KAZN: variants seen among roughly 807,000 people sequenced by gnomAD.
KAZN encodes the protein kazrin.
A neutral mutation model predicts 87.4 loss-of-function variants in KAZN; 40 were observed. The observed-to-expected ratio is 0.46, with a 90% CI of 0.36 to 0.60. The LOEUF is 0.60. Among genes scored for constraint, KAZN ranks in the 20% least tolerant of loss-of-function variants. The probability of loss-of-function intolerance (pLI) is 0.00; values close to 1 mark genes in which losing one functional copy is unlikely to be tolerated. For synonymous variants in KAZN, 466 were observed against 458.3 expected, an observed-to-expected ratio of 1.02 and a Z score of -0.22; for missense variants, 898 against 1,073.9, an observed-to-expected ratio of 0.84 and a Z score of 2.29.
At chr1:14,689,549 G>T (rs971297621) in intron 1 of KAZN, among the ~76,000 whole-genome samples, 3 of 152,210 alleles carry the variant, frequency 2.0e-5, no homozygotes, top group African/African-American at 4.8e-5. Flanking sequence ...AAGTGTAAGA[G>T]AATTGGTCTG....
At chr1:14,647,333 A>G (rs1680883557) in intron 1 of KAZN, among the ~76,000 whole-genome samples, 1 of 152,060 alleles carries the variant, frequency 6.6e-6, no homozygotes. Context: ...GTCTTGCTAA[A>G]TTTTCTGCTT....
At chr1:14,253,346 C>T (rs189223082) in intron 2 of KAZN, among the ~76,000 whole-genome samples, 126 of 152,266 alleles carry the variant, frequency 8.3e-4, no homozygotes, top group African/African-American at 2.7e-3. Flanking sequence ...TCAAGCTTCT[C>T]GGCCTAAGGT....
intron 1 of KAZN, among the ~76,000 whole-genome samples, chr1:14,131,405 T>A (rs1644989505): frequency 6.6e-6 from 1 of 152,168 alleles, no homozygotes; most frequent in South Asian, 2.1e-4. Context: ...TATTAGTCAA[T>A]CCGATACGTT....
intron 1 of KAZN, among the ~76,000 whole-genome samples, chr1:14,026,756 T>C (rs1372846824): frequency 6.6e-6 from 1 of 152,148 alleles, no homozygotes; most frequent in East Asian, 1.9e-4. Flanking sequence ...GAATTGCAGC[T>C]GGAAAGTGAA....
intron 1 of KAZN, among the ~76,000 whole-genome samples, chr1:14,723,260 C>T (rs1014851854): frequency 6.6e-6 from 1 of 152,196 alleles, no homozygotes; most frequent in Admixed American, 6.5e-5. Context: ...AGACCTTCTA[C>T]CTGCTGTCTG....
chr1:14,520,154 G>A (rs975815100), intron 2 of KAZN, among the ~76,000 whole-genome samples: 8 of 152,172 alleles, frequency 5.3e-5, no homozygotes, highest in Admixed American at 3.9e-4. Context: ...GATGACACAA[G>A]GCCCAGTGGT....
intron 8 of KAZN, among the ~76,000 whole-genome samples, chr1:15,074,733 C>T (rs1035351698): frequency 6.6e-6 from 1 of 152,194 alleles, no homozygotes; most frequent in Non-Finnish European, 1.5e-5. Context: ...CCTGGGCAAA[C>T]TCCCTGGGTT....
intron 2 of KAZN, among the ~76,000 whole-genome samples, chr1:14,529,165 G>A (rs571481777): frequency 3.9e-5 from 6 of 152,252 alleles, no homozygotes; most frequent in South Asian, 2.1e-4. Flanking sequence ...TTAGCTGGGC[G>A]TGGTGGCAGG....
At position 14,818,591 on chromosome 1, in the gene KAZN, T is replaced by C. The variant is rs182814599; in HGVS notation, c.227-142093T>C. Among the ~76,000 whole-genome samples the C allele has an allele frequency of 4.7e-3, 716 of 152,322 alleles. 4 individuals carry two copies. The highest frequency in any genetic ancestry group is 0.016 in the African/African-American group (671 of 41,562). On this transcript the variant is annotated intron_variant, in intron 1 of 14. Transcript: ENST00000376030. ...GCCAACCCCAGCAACAGCACGGGTTTTTGGAAATGCAAAGGCAGGCTGCAC... is the reference window on the plus strand; with the variant it reads ...GCCAACCCCAGCAACAGCACGGGTTCTTGGAAATGCAAAGGCAGGCTGCAC...
chr1:14,762,715 ACT>A (rs1184298625), intron 1 of KAZN, among the ~76,000 whole-genome samples: 2 of 149,916 alleles, frequency 1.3e-5, no homozygotes, highest in African/African-American at 4.9e-5. Flanking sequence ...ACAGAGCAAG[ACT>A]CTGTCTCAAA....
intron 1 of KAZN, among the ~76,000 whole-genome samples, chr1:14,916,170 CTTT>C (rs71307000): frequency 8.8e-6 from 1 of 113,578 alleles, no homozygotes; most frequent in African/African-American, 3.5e-5. Context: ...CACTGTTGTT[CTTT>C]TTTTTTTTTT....
chr1:14,138,348 G>C lies in KAZN; in HGVS notation c.92-42087G>C, dbSNP rs552003899. Among the ~76,000 whole-genome samples, 9 of 152,230 alleles carry C rather than the reference G, an allele frequency of 5.9e-5. No individual in the cohort carries two copies. In the South Asian group the frequency reaches 1.0e-3, roughly 18 times the overall value. On this transcript the variant is annotated intron_variant, in intron 1 of 16. Transcript: ENST00000636203. ...GGGCTTAAGCAGATCTAGGAGTCAC[G>C]TCCAGACTTGACCACATTCAGAAGG... is the stretch of plus-strand genomic sequence containing the variant.
intron 1 of KAZN, among the ~76,000 whole-genome samples, chr1:14,956,689 C>T (rs1034170600): frequency 6.6e-6 from 1 of 152,092 alleles, no homozygotes; most frequent in African/African-American, 2.4e-5. Flanking sequence ...GTCACTCACA[C>T]CTTATTGTGA....
chr1:15,049,273 T>C (rs56938743), intron 4 of KAZN, among the ~76,000 whole-genome samples: 53,663 of 152,222 alleles, frequency 0.35, 11,676 homozygotes, highest in East Asian at 0.74. Context: ...GTCCTGTCCC[T>C]GGGAGCCCGG....
chr1:14,656,018 G>T (rs921548798), intron 1 of KAZN, among the ~76,000 whole-genome samples: 1 of 152,088 alleles, frequency 6.6e-6, no homozygotes, highest in African/African-American at 2.4e-5. Context: ...ACCTCTGCCT[G>T]GCAACCTTCA....
intron 1 of KAZN, among the ~76,000 whole-genome samples, chr1:14,720,828 C>T (rs12022659): frequency 0.24 from 35,843 of 151,872 alleles, 5,174 homozygotes; most frequent in African/African-American, 0.39. Flanking sequence ...GTGATTCTCC[C>T]GCCTCAGCCT....
At chr1:14,104,730 T>A (rs1484958436) in intron 1 of KAZN, among the ~76,000 whole-genome samples, 1 of 152,212 alleles carries the variant, frequency 6.6e-6, no homozygotes, top group Non-Finnish European at 1.5e-5. Context: ...CATGAATTTG[T>A]ACCCTTATCA....
intron 2 of KAZN, among the ~76,000 whole-genome samples, chr1:14,317,506 G>A (rs2100829275): frequency 6.6e-6 from 1 of 152,038 alleles, no homozygotes; most frequent in South Asian, 2.1e-4. Flanking sequence ...TAAATGTAAT[G>A]TTTGGATCAC....
chr1:14,325,911 C>T (rs189510023), intron 2 of KAZN, among the ~76,000 whole-genome samples: 30 of 152,206 alleles, frequency 2.0e-4, no homozygotes, highest in African/African-American at 5.8e-4. Flanking sequence ...CCGATTTCTC[C>T]GAATCCCCCT....
Sources: gnomAD v4.1 joint callset for allele counts (sites outside exome capture counted in the v4.1 genomes callset) on GRCh38, gnomAD v4.1.1 for gene constraint, MANE v1.5 for transcripts, NCBI Gene and HGNC (gene_info 2026-07-23, HGNC 2026-07-21) for gene names.